TMEM117: variants seen among roughly 807,000 people sequenced by gnomAD.
The protein encoded by TMEM117 is transmembrane protein 117.
A neutral mutation model predicts 52.4 loss-of-function variants in TMEM117; 27 were observed. That is an observed-to-expected ratio of 0.51 (90% CI 0.38 to 0.71). TMEM117 has a LOEUF of 0.71. Ranked by LOEUF, TMEM117 falls within the 30% of genes least tolerant of loss-of-function variation. TMEM117 has a pLI of 0.00. For synonymous variants in TMEM117, 215 were observed against 206.3 expected, an observed-to-expected ratio of 1.04 and a Z score of -0.36; for missense variants, 556 against 630.5, an observed-to-expected ratio of 0.88 and a Z score of 1.26.
intron 2 of TMEM117, among the ~76,000 whole-genome samples, chr12:43,885,678 A>G (rs954204335): frequency 1.8e-4 from 27 of 152,108 alleles, no homozygotes; most frequent in African/African-American, 6.0e-4. Context: ...GACCAAGTGT[A>G]AATAAAAAAG....
chr12:43,885,941 T>A (rs1332461346), intron 2 of TMEM117, among the ~76,000 whole-genome samples: 1 of 152,194 alleles, frequency 6.6e-6, no homozygotes, highest in East Asian at 1.9e-4. Flanking sequence ...TATGAAACAG[T>A]ATGTTGAGCA....
rs377757693 is a variant in TMEM117, at chr12:43,850,933, G to A, written c.277+6005G>A. Among the ~76,000 whole-genome samples, 41 of 152,244 alleles carry A rather than the reference G, an allele frequency of 2.7e-4. No homozygotes were observed. In the East Asian group the frequency reaches 4.1e-3, roughly 15 times the overall value. Reference sequence around the variant, plus strand: ...TGGGAGGAATGGGATTGCTAATGACGAGCACAGAAATTTTTGTTACAGAAA... The same window carrying A: ...TGGGAGGAATGGGATTGCTAATGACAAGCACAGAAATTTTTGTTACAGAAA... On this transcript the variant is annotated intron_variant, in intron 2 of 7. Coordinates refer to ENST00000266534, the MANE Select transcript of TMEM117 (RefSeq NM_032256.3).
chr12:44,329,003 C>G (rs1340674845), intron 6 of TMEM117, among the ~76,000 whole-genome samples: 1 of 151,516 alleles, frequency 6.6e-6, no homozygotes, highest in African/African-American at 2.4e-5. Context: ...GCAGAAGGGA[C>G]AAGCAGAAGC....
At chr12:44,162,572 C>A (rs1948912590) in intron 4 of TMEM117, among the ~76,000 whole-genome samples, 1 of 152,172 alleles carries the variant, frequency 6.6e-6, no homozygotes, top group Admixed American at 6.6e-5. Flanking sequence ...AACGCTTTTA[C>A]AAAGAGTCAT....
At chr12:44,141,870 G>A (rs1451166315) in intron 3 of TMEM117, among the ~76,000 whole-genome samples, 1 of 152,102 alleles carries the variant, frequency 6.6e-6, no homozygotes, top group Non-Finnish European at 1.5e-5. Flanking sequence ...AGAGCTAAAG[G>A]TTCTGCATAC....
chr12:44,233,708 T>C (rs1042248797), intron 5 of TMEM117, among the ~76,000 whole-genome samples: 25 of 151,414 alleles, frequency 1.7e-4, no homozygotes, highest in African/African-American at 5.6e-4. Flanking sequence ...AAAGGCATCA[T>C]AGTGGCATTT....
intron 5 of TMEM117, among the ~76,000 whole-genome samples, chr12:44,265,622 A>C (rs1950368643): frequency 1.3e-5 from 2 of 152,292 alleles, no homozygotes; most frequent in African/African-American, 2.4e-5. Flanking sequence ...GACATAACAT[A>C]AAATTAACCA....
At chr12:44,072,632 TAAAAC>T (rs1451886447) in intron 3 of TMEM117, among the ~76,000 whole-genome samples, 7 of 152,056 alleles carry the variant, frequency 4.6e-5, no homozygotes, top group South Asian at 2.1e-4. Flanking sequence ...AAGAAGAAAA[TAAAAC>T]AAACAACAAA....
chr12:43,869,135 AC>A lies in TMEM117; in HGVS notation c.277+24208del, dbSNP rs144353281. Among the ~76,000 whole-genome samples, 1,148 of 152,290 alleles carry A rather than the reference AC, an allele frequency of 7.5e-3. 23 individuals are homozygous for A. The highest frequency in any genetic ancestry group is 0.026 in the African/African-American group (1,072 of 41,560). ...TTCTTGATAGTCATAACTTAACAAA[AC>A]TGACATAAGAAGAAATAATCCACAT... On this transcript the variant is annotated intron_variant, in intron 2 of 7. Transcript: ENST00000266534.
At chr12:43,945,532 C>T (rs566237181) in intron 3 of TMEM117, among the ~76,000 whole-genome samples, 33 of 152,156 alleles carry the variant, frequency 2.2e-4, no homozygotes, top group East Asian at 5.8e-4. Flanking sequence ...CATGTTGGTT[C>T]GTCTGGTCTC....
rs551588220 is a variant in TMEM117 at position 44,155,743 on chromosome 12, CA to C, written c.510+12124del. Among the ~76,000 whole-genome samples, 500 of 152,148 alleles carry C rather than the reference CA, an allele frequency of 3.3e-3. 2 individuals are homozygous for C. Among genetic ancestry groups the C allele is most frequent in the Non-Finnish European group, 5.6e-3 (381 of 67,982 alleles). The stretch of plus-strand genomic sequence containing the variant: ...AGAAGCATTAAAATTCAGTTTACAA[CA>C]AAAATATCACTAATGCAAAGTAGGA... On this transcript the variant is annotated intron_variant, in intron 4 of 7. Coordinates refer to ENST00000266534, the MANE Select transcript of TMEM117 (RefSeq NM_032256.3).
chr12:44,152,853 A>C (rs1257613430), intron 4 of TMEM117, among the ~76,000 whole-genome samples: 1 of 145,324 alleles, frequency 6.9e-6, no homozygotes, highest in Non-Finnish European at 1.5e-5. Context: ...TAAATACAAT[A>C]TATACATTAT....
At position 44,148,344 on chromosome 12, in the gene TMEM117, A is replaced by G. The variant is rs184897737; in HGVS notation, c.510+4720A>G. 2.7e-3 allele frequency among the ~76,000 whole-genome samples: 413 copies of G among 152,326 alleles called. 1 individual carries two copies. The highest frequency in any genetic ancestry group is 4.4e-3 in the Non-Finnish European group (302 of 68,022). On this transcript the variant is annotated intron_variant, in intron 4 of 7. Coordinates refer to ENST00000266534, the MANE Select transcript of TMEM117 (RefSeq NM_032256.3). Reference sequence around the variant, plus strand: ...AAAAATGCTTTTGGATTAATAAAACATAGCCTTTGTAGTTGGAATATAGTA... The same window carrying G: ...AAAAATGCTTTTGGATTAATAAAACGTAGCCTTTGTAGTTGGAATATAGTA...
At chr12:43,857,155 T>G (rs11182305) in intron 2 of TMEM117, among the ~76,000 whole-genome samples, 5,707 of 152,278 alleles carry the variant, frequency 0.037, 269 homozygotes, top group African/African-American at 0.1. Flanking sequence ...GCAATGAGCT[T>G]CATGCAGCTT....
At chr12:44,090,837 G>GTTTTTTTTTTTTTTTTTTTT (rs1565823272) in intron 3 of TMEM117, among the ~76,000 whole-genome samples, 2 of 112,426 alleles carry the variant, frequency 1.8e-5, no homozygotes, top group African/African-American at 1.1e-4. Flanking sequence ...CTGTATTTAT[G>GTTTTTTTTTTTTTTTTTTTT]TGTTTTTTTT....
At chr12:44,366,289 A>C (rs1168035187) in intron 6 of TMEM117, among the ~76,000 whole-genome samples, 1 of 152,064 alleles carries the variant, frequency 6.6e-6, no homozygotes, top group Non-Finnish European at 1.5e-5. Context: ...CAAACATGTA[A>C]GGTTCTTTAC....
chr12:44,294,893 T>C (rs1296153256), intron 5 of TMEM117, among the ~76,000 whole-genome samples: 1 of 152,184 alleles, frequency 6.6e-6, no homozygotes, highest in Admixed American at 6.5e-5. Flanking sequence ...ATTTCTGGAA[T>C]TTTCCGTATA....
chr12:44,168,330 C>T (rs1948998465), intron 4 of TMEM117, among the ~76,000 whole-genome samples: 2 of 151,986 alleles, frequency 1.3e-5, no homozygotes, highest in African/African-American at 4.8e-5. Context: ...TTTCCCTCCC[C>T]CAAATATTGT....
chr12:44,149,584 G>C (rs1191055545), intron 4 of TMEM117, among the ~76,000 whole-genome samples: 1 of 152,050 alleles, frequency 6.6e-6, no homozygotes, highest in Non-Finnish European at 1.5e-5. Context: ...AACTGTTTGT[G>C]TTATTTTCAT....
Sources: gnomAD v4.1 joint callset for allele counts (sites outside exome capture counted in the v4.1 genomes callset) on GRCh38, gnomAD v4.1.1 for gene constraint, MANE v1.5 for transcripts, NCBI Gene and HGNC (gene_info 2026-07-23, HGNC 2026-07-21) for gene names.